The following TMEM178B variants were observed in gnomAD, a reference collection of about 807,000 sequenced individuals.
The protein encoded by TMEM178B is transmembrane protein 178B.
TMEM178B carries 5 observed loss-of-function variants against 31.0 expected under a neutral mutation model. That is an observed-to-expected ratio of 0.16 (90% CI 0.08 to 0.34). TMEM178B has a LOEUF of 0.34. Among genes scored for constraint, TMEM178B ranks in the 10% least tolerant of loss-of-function variants. The probability of loss-of-function intolerance (pLI) is 1.00; values close to 1 mark genes in which losing one functional copy is unlikely to be tolerated. For missense variants in TMEM178B, 275 were observed against 400.3 expected (o/e 0.69, Z 2.67); for synonymous variants, 164 against 164.0 (o/e 1.00, Z 0.00).
chr7:141,472,384 C>A lies in TMEM178B; in HGVS notation c.*1598C>A, dbSNP rs1802260722. The A allele has an allele frequency of 6.6e-6, 1 of 152,172 alleles. No individual in the cohort carries two copies. Among genetic ancestry groups the A allele is most frequent in the Non-Finnish European group, 1.5e-5 (1 of 68,056 alleles). 9.4% of individuals were successfully genotyped at this position (152,172 alleles called of 1,614,324 possible). A position where few individuals can be genotyped will look rare whatever the true frequency, so the allele number is the denominator to read the frequency against. On this transcript the variant is annotated 3_prime_UTR_variant, in exon 4 of 4. Transcript: ENST00000565468. ...CAAACAGAGGTGGAATAAATCCACCCCAGTGTCTCGGGCTCATTTGAGCAA... is the reference window on the plus strand; with the variant it reads ...CAAACAGAGGTGGAATAAATCCACCACAGTGTCTCGGGCTCATTTGAGCAA...
At chr7:141,105,105 A>T (rs1475819017) in intron 1 of TMEM178B, among the ~76,000 whole-genome samples, 1 of 152,096 alleles carries the variant, frequency 6.6e-6, no homozygotes, top group Admixed American at 6.5e-5. Flanking sequence ...GTGAGGTGGG[A>T]GAGGAAAGAG....
chr7:141,446,020 A>C lies in TMEM178B; in HGVS notation c.634+8275A>C, dbSNP rs117251807. 4.7e-3 allele frequency among the ~76,000 whole-genome samples: 719 copies of C among 152,368 alleles called. 2 individuals are homozygous for C. The highest frequency in any genetic ancestry group is 8.5e-3 in the Non-Finnish European group (575 of 68,028). On this transcript the variant is annotated intron_variant, in intron 3 of 3. Coordinates refer to ENST00000565468, the MANE Select transcript of TMEM178B (RefSeq NM_001195278.2). ...TTATTAGCATTTGATGATTACAATT[A>C]AAACAAATCAGGGAGGGGGTAAGTC...
intron 2 of TMEM178B, among the ~76,000 whole-genome samples, chr7:141,371,424 C>T (rs1800114299): frequency 6.6e-6 from 1 of 152,208 alleles, no homozygotes; most frequent in South Asian, 2.1e-4. Context: ...GACGCAGACA[C>T]CAGTGCCGTG....
chr7:141,249,571 G>C (rs1420602413), intron 2 of TMEM178B, among the ~76,000 whole-genome samples: 1 of 152,212 alleles, frequency 6.6e-6, no homozygotes, highest in Non-Finnish European at 1.5e-5. Flanking sequence ...GGCAGAAGAA[G>C]GCCCAGTTCA....
At chr7:141,487,649 G>A in the TMEM178B span, among the ~76,000 whole-genome samples, 1 of 148,018 alleles carries the variant, frequency 6.8e-6, no homozygotes, top group Non-Finnish European at 1.5e-5. Flanking sequence ...GCTGAGGCAG[G>A]AGAATCACTT....
rs536165073 is a variant in TMEM178B at position 141,088,423 on chromosome 7, C to G, written c.382+13731C>G. On this transcript the variant is annotated intron_variant, in intron 1 of 3. Transcript: ENST00000565468. The stretch of plus-strand genomic sequence containing the variant: ...TGTAGCTCTATTCTTATTCCTTCTT[C>G]TTTGCCAGTTTTTCTTCCTCAGACT... 1.5e-4 allele frequency among the ~76,000 whole-genome samples: 23 copies of G among 152,262 alleles called. 3 individuals carry two copies. In the South Asian group the frequency reaches 2.7e-3, roughly 18 times the overall value.
At chr7:141,158,972 G>A (rs1386666006) in intron 1 of TMEM178B, among the ~76,000 whole-genome samples, 2 of 152,144 alleles carry the variant, frequency 1.3e-5, no homozygotes, top group African/African-American at 4.8e-5. Context: ...AAATGAGGAA[G>A]AGGTTGGGCA....
At chr7:141,195,312 C>T (rs1321861485) in intron 1 of TMEM178B, among the ~76,000 whole-genome samples, 1 of 152,208 alleles carries the variant, frequency 6.6e-6, no homozygotes, top group African/African-American at 2.4e-5. Context: ...GTACCCAAGT[C>T]ACCTCTTGAA....
intron 1 of TMEM178B, among the ~76,000 whole-genome samples, chr7:141,180,562 A>G (rs1796511096): frequency 6.6e-6 from 1 of 152,026 alleles, no homozygotes; most frequent in African/African-American, 2.4e-5. Flanking sequence ...CTTCTAGTTT[A>G]CCTCTGCCCA....
intron 2 of TMEM178B, among the ~76,000 whole-genome samples, chr7:141,285,881 G>A (rs1798440279): frequency 3.9e-5 from 6 of 152,142 alleles, no homozygotes; most frequent in Admixed American, 3.9e-4. Context: ...TCATAAGTGG[G>A]AGTTGAACAA....
intron 3 of TMEM178B, among the ~76,000 whole-genome samples, chr7:141,459,402 A>G (rs1802023366): frequency 6.6e-6 from 1 of 152,186 alleles, no homozygotes; most frequent in South Asian, 2.1e-4. Context: ...TTGAATGCTC[A>G]GTGCTGTGTG....
At chr7:141,454,091 A>G (rs533542639) in intron 3 of TMEM178B, among the ~76,000 whole-genome samples, 1 of 152,136 alleles carries the variant, frequency 6.6e-6, no homozygotes, top group Non-Finnish European at 1.5e-5. Context: ...CCACACTCCC[A>G]GGCACAATTT....
chr7:141,185,439 C>T (rs1399410759), intron 1 of TMEM178B, among the ~76,000 whole-genome samples: 2 of 152,160 alleles, frequency 1.3e-5, no homozygotes, highest in Admixed American at 6.5e-5. Context: ...CTGGGCTCTC[C>T]TCCGACTGCC....
At chr7:141,325,199 G>A (rs2116480857) in intron 2 of TMEM178B, among the ~76,000 whole-genome samples, 1 of 152,304 alleles carries the variant, frequency 6.6e-6, no homozygotes, top group African/African-American at 2.4e-5. Context: ...TGATTTGACT[G>A]TGCTGTAATA....
At position 141,475,078 on chromosome 7, in the gene TMEM178B, A is replaced by T. The variant is rs1320740095; in HGVS notation, c.*4292A>T. On this transcript the variant is annotated 3_prime_UTR_variant, in exon 4 of 4. Coordinates refer to ENST00000565468, the MANE Select transcript of TMEM178B (RefSeq NM_001195278.2). The stretch of plus-strand genomic sequence containing the variant: ...GGGACTTACCCATCCCAGGGGACAC[A>T]TCCATCCCAGGGGACACAGCCAGCC... 1.3e-5 allele frequency: 2 copies of T among 152,240 alleles called. No homozygotes were observed. Among genetic ancestry groups the T allele is most frequent in the Non-Finnish European group, 2.9e-5 (2 of 68,062 alleles). The allele number at this position is 152,240 out of a possible 1,614,324, so 9.4% of individuals were successfully genotyped here. A position where few individuals can be genotyped will look rare whatever the true frequency, so the allele number is the denominator to read the frequency against.
chr7:141,384,328 C>A (rs1800390385), intron 2 of TMEM178B, among the ~76,000 whole-genome samples: 2 of 152,158 alleles, frequency 1.3e-5, no homozygotes, highest in South Asian at 4.1e-4. Context: ...CCTAGGTTTT[C>A]TTCTAGGGTT....
chr7:141,354,231 T>C (rs1799781815), intron 2 of TMEM178B, among the ~76,000 whole-genome samples: 1 of 152,240 alleles, frequency 6.6e-6, no homozygotes, highest in South Asian at 2.1e-4. Context: ...TGAATGTATG[T>C]TATGTTTTGA....
chr7:141,469,119 A>G (rs1199569624), intron 3 of TMEM178B, among the ~76,000 whole-genome samples: 1 of 152,208 alleles, frequency 6.6e-6, no homozygotes, highest in African/African-American at 2.4e-5. Context: ...GTATGCACCC[A>G]TGCAAGCTTC....
Position 141,074,262 on chromosome 7 carries a change from G to A in TMEM178B, c.-49G>A, listed in dbSNP as rs1794558163. The stretch of plus-strand genomic sequence containing the variant: ...CTTTGTTCCGGGTGCGGCGAGGGAA[G>A]GCGAGGCTGCGGCGGATCATGCCCA... On this transcript the variant is annotated 5_prime_UTR_variant, in exon 1 of 4. Transcript: ENST00000565468. The surrounding 1 kb of genome is among the most constrained non-coding windows in gnomAD (Gnocchi z 5.1). 1.4e-6 allele frequency: 2 copies of A among 1,458,668 alleles called. No individual in the cohort carries two copies. The highest frequency in any genetic ancestry group is 1.8e-6 in the Non-Finnish European group (2 of 1,106,710). 90.4% of individuals were successfully genotyped at this position (1,458,668 alleles called of 1,614,324 possible).
Sources: allele counts gnomAD v4.1 joint callset (sites outside exome capture counted in the v4.1 genomes callset), GRCh38; gene constraint gnomAD v4.1.1; non-coding constraint Gnocchi (gnomAD v3.1); transcripts MANE v1.5; gene names NCBI Gene and HGNC (gene_info 2026-07-23, HGNC 2026-07-21).